The following DRD4 variants were observed in gnomAD, a reference collection of about 807,000 sequenced individuals.
DRD4 encodes the protein D(4) dopamine receptor.
In DRD4, 26 loss-of-function variants were observed where a neutral mutation model predicts 22.1. The observed-to-expected ratio is 1.17, with a 90% confidence interval of 0.86 to 1.63. DRD4 has a LOEUF of 1.63. Ranked by LOEUF, DRD4 falls within the 40% of genes most tolerant of loss-of-function variation. The pLI is 0.00. For missense variants in DRD4, 913 were observed against 632.4 expected (o/e 1.44, Z -4.76); for synonymous variants, 455 against 306.7 (o/e 1.48, Z -5.05).
rs1002968488 is a variant in DRD4 at position 637,507 on chromosome 11, C to T, written c.203C>T (p.Pro68Leu). The T allele has an allele frequency of 1.8e-5, 28 of 1,561,318 alleles. No individual in the cohort carries two copies. The highest frequency in any genetic ancestry group is 2.4e-5 in the Non-Finnish European group (28 of 1,158,964). ...SVATERALQT[P>L]TNSFIVSLAA... ...GCCACCGAGCGCGCCCTGCAGACGCCCACCAACTCCTTCATCGTGAGCCTG... is the reference window on the plus strand; with the variant it reads ...GCCACCGAGCGCGCCCTGCAGACGCTCACCAACTCCTTCATCGTGAGCCTG... Residue 68 changes from proline to leucine, a missense_variant, in exon 1 of 4, where the codon CCC becomes CTC. By Grantham distance (98) the Pro-to-Leu change is moderately conservative. Transcript: ENST00000176183.
Position 640,291 on chromosome 11 carries a change from C to T in DRD4, c.1042C>T (p.Leu348=), listed in dbSNP as rs1177067038. Residue 348 remains leucine (L), a synonymous_variant, in exon 3 of 4, where the codon CTG becomes TTG. Transcript: ENST00000176183. The part of the protein sequence containing the change: ...TGRERKAMRV[L]PVVVGAFLLC... ...CCGGGAGCGCAAGGCCATGAGGGTC[C>T]TGCCGGTGGTGGTCGGTGGGTTCCT... The T allele has an allele frequency of 3.9e-6, 6 of 1,535,970 alleles. No individual in the cohort carries two copies. Among genetic ancestry groups the T allele is most frequent in the Middle Eastern group, 2.3e-4 (1 of 4,410 alleles).
intron 1 of DRD4, among the ~76,000 whole-genome samples, chr11:638,153 G>T (rs1035459480): frequency 6.6e-6 from 1 of 152,188 alleles, no homozygotes; most frequent in Non-Finnish European, 1.5e-5. Context: ...GAGAACCCTG[G>T]GGGGAAGCCT....
chr11:637,899 C>T (rs1357571821), intron 1 of DRD4, among the ~76,000 whole-genome samples: 2 of 152,236 alleles, frequency 1.3e-5, no homozygotes, highest in Admixed American at 1.3e-4. Flanking sequence ...TTTGTCAAGC[C>T]CAGTCCCCTC....
intron 1 of DRD4, 62 bp from the exon 2 acceptor site, chr11:639,371 G>A (rs1032585350): frequency 6.9e-7 from 1 of 1,438,958 alleles, no homozygotes; most frequent in African/African-American, 1.6e-5. Context: ...ATAAGAGTGG[G>A]GGCGGGTCAC....
At position 640,040 on chromosome 11, in the gene DRD4, C is replaced by T; in HGVS notation, c.791C>T (p.Pro264Leu). 8.3e-7 allele frequency: 1 copy of T among 1,197,654 alleles called. No homozygotes were observed. The highest frequency in any genetic ancestry group is 1.0e-6 in the Non-Finnish European group (1 of 959,974). 74.2% of individuals were successfully genotyped at this position (1,197,654 alleles called of 1,614,324 possible). A position where few individuals can be genotyped will look rare whatever the true frequency, so the allele number is the denominator to read the frequency against. Residue 264 changes from proline (P) to leucine (L), a missense_variant, in exon 3 of 4, where the codon CCC becomes CTC. Coordinates refer to ENST00000176183, the MANE Select transcript of DRD4 (RefSeq NM_000797.4). Reference sequence around the variant, plus strand: ...GACCCCTGCGGCCCCGACTGTGCGCCCCCCGCGCCCGGCCTTCCCCGGGGT... The same window carrying T: ...GACCCCTGCGGCCCCGACTGTGCGCTCCCCGCGCCCGGCCTTCCCCGGGGT... ...PQDPCGPDCA[P>L]PAPGLPRGPC...
At position 640,255 on chromosome 11, in the gene DRD4, A is replaced by G. The variant is rs1297723953; in HGVS notation, c.1006A>G (p.Lys336Glu). ...PPQTRRRRRAKITGRERKAMR... is the reference protein window; with the variant it reads ...PPQTRRRRRAEITGRERKAMR... ...GCAGACCCGCAGGAGGCGGCGTGCCAAGATCACCGGCCGGGAGCGCAAGGC... is the reference window on the plus strand; with the variant it reads ...GCAGACCCGCAGGAGGCGGCGTGCCGAGATCACCGGCCGGGAGCGCAAGGC... Residue 336 changes from lysine (K) to glutamate (E), a missense_variant, in exon 3 of 4, where the codon AAG becomes GAG. By Grantham distance (56) the Lys-to-Glu change is moderately conservative. Coordinates refer to ENST00000176183, the MANE Select transcript of DRD4 (RefSeq NM_000797.4). The G allele has an allele frequency of 1.3e-6, 2 of 1,533,146 alleles. No homozygotes were observed. The highest frequency in any genetic ancestry group is 1.7e-6 in the Non-Finnish European group (2 of 1,146,556). 95.0% of individuals were successfully genotyped at this position (1,533,146 alleles called of 1,614,324 possible).
chr11:640,565 C>T lies in DRD4; in HGVS notation c.1222C>T (p.Arg408Cys), dbSNP rs377281442. 1.8e-5 allele frequency: 29 copies of T among 1,599,862 alleles called. No individual in the cohort carries two copies. The highest frequency in any genetic ancestry group is 3.3e-5 in the Admixed American group (2 of 60,006). Reference protein sequence around the residue: ...VIYTVFNAEFRNVFRKALRAC... With the variant: ...VIYTVFNAEFCNVFRKALRAC... ...CTACACTGTCTTCAACGCCGAGTTC[C>T]GCAACGTCTTCCGCAAGGCCCTGCG... The change falls in exon 4 of 4, where the codon CGC (arginine) becomes TGC (cysteine). Residue 408 changes from arginine (R) to cysteine (C), a missense_variant. Coordinates refer to ENST00000176183, the MANE Select transcript of DRD4 (RefSeq NM_000797.4).
chr11:640,345 G>A (rs763981192), intron 3 of DRD4, 39 bp downstream of exon 3: 6 of 1,554,250 alleles, frequency 3.9e-6, no homozygotes, highest in East Asian at 2.3e-5. Context: ...GAGAGGAGGG[G>A]GGGGGTACGA....
Position 640,614 on chromosome 11 carries a change from C to T in DRD4, c.*11C>T. 6.3e-7 allele frequency: 1 copy of T among 1,598,884 alleles called. No homozygotes were observed. Among genetic ancestry groups the T allele is most frequent in the Non-Finnish European group, 8.5e-7 (1 of 1,179,718 alleles). ...CGTGCCTGCTGCTGAGCCGGGCACCCCCGGACGCCCCCCGGCCTGATGGCC... is the reference window on the plus strand; with the variant it reads ...CGTGCCTGCTGCTGAGCCGGGCACCTCCGGACGCCCCCCGGCCTGATGGCC... On this transcript the variant is annotated 3_prime_UTR_variant, in exon 4 of 4. Coordinates refer to ENST00000176183, the MANE Select transcript of DRD4 (RefSeq NM_000797.4).
Position 640,162 on chromosome 11 carries a change from CCCTGCGGCT to C in DRD4, c.916_924del (p.Cys306_Ser308del). The C allele has an allele frequency of 6.6e-7, 1 of 1,518,820 alleles. No individual in the cohort carries two copies. Among genetic ancestry groups the C allele is most frequent in the Non-Finnish European group, 8.8e-7 (1 of 1,138,534 alleles). The allele number at this position is 1,518,820 out of a possible 1,614,324, so 94.1% of individuals were successfully genotyped here. On this transcript the variant is annotated inframe_deletion, in exon 3 of 4. Coordinates refer to ENST00000176183, the MANE Select transcript of DRD4 (RefSeq NM_000797.4). ...CCCCGCGCCCGGCCTCCCCCCGGAC[CCCTGCGGCT>C]CCAACTGTGCTCCCCCCGACGCCGT...
chr11:639,741 G>C lies in DRD4; in HGVS notation c.492G>C (p.Ala164=). 1 of 1,534,522 alleles carries C rather than the reference G, an allele frequency of 6.5e-7. No homozygotes were observed. Among genetic ancestry groups the C allele is most frequent in the Non-Finnish European group, 8.7e-7 (1 of 1,149,944 alleles). ...LLIGATWLLS[A]AVAAPVLCGL... is the part of the protein sequence containing the mutation. ...TCGGCGCCACGTGGCTGCTGTCCGC[G>C]GCGGTGGCGGCGCCCGTACTGTGCG... Residue 164 remains alanine, a synonymous_variant, in exon 3 of 4, where the codon GCG becomes GCC. Transcript: ENST00000176183.
At chr11:639,132 G>A (rs1564912763) in intron 1 of DRD4, 2 of 433,924 alleles carry the variant, frequency 4.6e-6, no homozygotes, top group East Asian at 4.5e-5. Context: ...GCGCGCGGCT[G>A]TAATCCCAGC....
chr11:637,423 G>A lies in DRD4; in HGVS notation c.119G>A (p.Gly40Glu). Residue 40 changes from glycine (G) to glutamate (E), a missense_variant, in exon 1 of 4, where the codon GGG (glycine) becomes GAG (glutamate). Coordinates refer to ENST00000176183, the MANE Select transcript of DRD4 (RefSeq NM_000797.4). ...GGGCAGGGCGCGGCGGCGCTGGTGGGGGGCGTGCTGCTCATCGGCGCGGTG... is the reference window on the plus strand; with the variant it reads ...GGGCAGGGCGCGGCGGCGCTGGTGGAGGGCGTGCTGCTCATCGGCGCGGTG... The part of the protein sequence containing the change: ...LAGQGAAALV[G>E]GVLLIGAVLA... 6.6e-7 allele frequency: 1 copy of A among 1,525,146 alleles called. No homozygotes were observed. The highest frequency in any genetic ancestry group is 2.0e-5 in the Admixed American group (1 of 50,650). The allele number at this position is 1,525,146 out of a possible 1,614,324, so 94.5% of individuals were successfully genotyped here.
chr11:640,506 T>TG lies in DRD4; in HGVS notation c.1166dup (p.Tyr390LeufsTer60), dbSNP rs1858215478. 6.2e-7 allele frequency: 1 copy of TG among 1,601,256 alleles called. No individual in the cohort carries two copies. Among genetic ancestry groups the TG allele is most frequent in the African/African-American group, 1.3e-5 (1 of 75,044 alleles). On this transcript the variant is annotated frameshift_variant, in exon 4 of 4. Transcript: ENST00000176183. LOFTEE classifies it high-confidence loss of function. ...CGGCTGGTCAGCGCCGTCACCTGGCTGGGCTACGTCAACAGCGCCCTCAAC... is the reference window on the plus strand; with the variant it reads ...CGGCTGGTCAGCGCCGTCACCTGGCTGGGGCTACGTCAACAGCGCCCTCAAC...
At chr11:638,281 C>G (rs12720396) in intron 1 of DRD4, among the ~76,000 whole-genome samples, 1 of 152,294 alleles carries the variant, frequency 6.6e-6, no homozygotes, top group Middle Eastern at 3.4e-3. Context: ...GAGCTGGAGA[C>G]GCGGTGTCCC....
At position 640,007 on chromosome 11, in the gene DRD4, TCCCCCAGGACCCC is replaced by T; in HGVS notation, c.759_771del (p.Pro254AlafsTer88). The T allele has an allele frequency of 9.2e-7, 1 of 1,085,486 alleles. No individual in the cohort carries two copies. Among genetic ancestry groups the T allele is most frequent in the Non-Finnish European group, 1.1e-6 (1 of 908,838 alleles). The allele number at this position is 1,085,486 out of a possible 1,614,324, so 67.2% of individuals were successfully genotyped here. ...TCCCCCACGCCACCCGCGCCCCGCCTCCCCCAGGACCCCTGCGGCCCCGACTGTGCGCCCCCCG... is the reference window on the plus strand; with the variant it reads ...TCCCCCACGCCACCCGCGCCCCGCCTTGCGGCCCCGACTGTGCGCCCCCCG... On this transcript the variant is annotated frameshift_variant, in exon 3 of 4. Transcript: ENST00000176183. LOFTEE classifies it high-confidence loss of function.
At chr11:640,365 GGC>G (rs1858206770) in intron 3 of DRD4, 34 bp from the exon 4 acceptor site, 1 of 1,586,268 alleles carries the variant, frequency 6.3e-7, no homozygotes, top group African/African-American at 1.3e-5. Flanking sequence ...AGGCCGGCTG[GGC>G]GGGGGGCGCT....
chr11:640,295 C>G lies in DRD4; in HGVS notation c.1046C>G (p.Pro349Arg), dbSNP rs970549690. The G allele has an allele frequency of 3.3e-6, 5 of 1,525,082 alleles. No homozygotes were observed. Among genetic ancestry groups the G allele is most frequent in the African/African-American group, 1.4e-5 (1 of 73,094 alleles). The allele number at this position is 1,525,082 out of a possible 1,614,324, so 94.5% of individuals were successfully genotyped here. A position where few individuals can be genotyped will look rare whatever the true frequency, so the allele number is the denominator to read the frequency against. The change falls in exon 3 of 4, where the codon CCG becomes CGG. Residue 349 changes from proline to arginine, a missense_variant. Physicochemically the swap from Pro to Arg is moderately radical, Grantham distance 103. Transcript: ENST00000176183. Reference sequence around the variant, plus strand: ...GAGCGCAAGGCCATGAGGGTCCTGCCGGTGGTGGTCGGTGGGTTCCTGTCC... The same window carrying G: ...GAGCGCAAGGCCATGAGGGTCCTGCGGGTGGTGGTCGGTGGGTTCCTGTCC... ...GRERKAMRVLPVVVGAFLLCW... is the reference protein window; with the variant it reads ...GRERKAMRVLRVVVGAFLLCW...
Position 640,432 on chromosome 11 carries a change from C to A in DRD4, c.1089C>A (p.Phe363Leu). The A allele has an allele frequency of 1.2e-6, 2 of 1,600,964 alleles. No individual in the cohort carries two copies. Among genetic ancestry groups the A allele is most frequent in the Non-Finnish European group, 1.7e-6 (2 of 1,179,738 alleles). ...TCCTGCTGTGCTGGACGCCCTTCTT[C>A]GTGGTGCACATCACGCAGGCGCTGT... ...GAFLLCWTPFFVVHITQALCP... is the reference protein window; with the variant it reads ...GAFLLCWTPFLVVHITQALCP... The change falls in exon 4 of 4, where the codon TTC (phenylalanine) becomes TTA (leucine). Residue 363 changes from phenylalanine to leucine, a missense_variant. By Grantham distance (22) the Phe-to-Leu change is conservative. Transcript: ENST00000176183.
Sources: gnomAD v4.1 joint callset for allele counts (sites outside exome capture counted in the v4.1 genomes callset) on GRCh38, gnomAD v4.1.1 for gene constraint, MANE v1.5 for transcripts, NCBI Gene and HGNC (gene_info 2026-07-23, HGNC 2026-07-21) for gene names.